HYDIN: variants seen among roughly 807,000 people sequenced by gnomAD.
HYDIN encodes the protein axonemal central pair apparatus protein HYDIN.
Under a neutral mutation model 403.9 loss-of-function variants are expected in HYDIN, and 132 were observed. The ratio of observed to expected loss-of-function variants is 0.33; its 90% confidence interval spans 0.28 to 0.38. The LOEUF (loss-of-function observed/expected upper bound fraction) is 0.38. Ranked by LOEUF, HYDIN falls within the 10% of genes least tolerant of loss-of-function variation. The pLI is 1.00. For missense variants in HYDIN, 2,827 were observed against 5,009.5 expected, an observed-to-expected ratio of 0.56 and a Z score of 13.15; for synonymous variants, 1,202 against 1,891.7, an observed-to-expected ratio of 0.64 and a Z score of 9.46.
intron 84 of HYDIN, among the ~76,000 whole-genome samples, chr16:70,812,318 T>A: frequency 6.7e-6 from 1 of 148,566 alleles, no homozygotes; most frequent in Non-Finnish European, 1.5e-5. Flanking sequence ...GGTGAAACCC[T>A]GTCTCTACTA....
chr16:70,853,844 T>C (rs949005434), intron 73 of HYDIN, among the ~76,000 whole-genome samples: 2 of 149,070 alleles, frequency 1.3e-5, no homozygotes, highest in Non-Finnish European at 2.9e-5. Flanking sequence ...GGGAGAAATT[T>C]GGTAAACAGT....
At chr16:71,022,454 C>A (rs997989963) in intron 21 of HYDIN, among the ~76,000 whole-genome samples, 4 of 152,094 alleles carry the variant, frequency 2.6e-5, no homozygotes, top group Non-Finnish European at 5.9e-5. Flanking sequence ...ATAAAGTAGA[C>A]CAAATCTGAG....
chr16:70,806,359 C>A lies in HYDIN; in HGVS notation c.*1221G>T, dbSNP rs966315422. 7.0e-6 allele frequency among the ~76,000 whole-genome samples: 1 copy of A among 141,886 alleles called. No individual in the cohort carries two copies. Among genetic ancestry groups the A allele is most frequent in the African/African-American group, 3.2e-5 (1 of 31,668 alleles). 93.1% of individuals were successfully genotyped at this position (141,886 alleles called of 152,430 possible). A position where few individuals can be genotyped will look rare whatever the true frequency, so the allele number is the denominator to read the frequency against. On this transcript the variant is annotated 3_prime_UTR_variant, in exon 86 of 86. Coordinates refer to ENST00000393567, the MANE Select transcript of HYDIN (RefSeq NM_001270974.2). ...GTGTTTACAGACATTCTAGAAAAAG[C>A]TTTTTTGGTCCTAGAGTATACTGGG...
chr16:70,837,267 A>G (rs1186166154), intron 77 of HYDIN, among the ~76,000 whole-genome samples: 1 of 152,038 alleles, frequency 6.6e-6, no homozygotes, highest in African/African-American at 2.4e-5. Flanking sequence ...AAGATGTTCC[A>G]TCACTGAAAC....
At chr16:71,055,267 T>C (rs1301947818) in intron 18 of HYDIN, among the ~76,000 whole-genome samples, 1 of 152,276 alleles carries the variant, frequency 6.6e-6, no homozygotes, top group Non-Finnish European at 1.5e-5. Flanking sequence ...GGCAATTAAC[T>C]TAACCTATTT....
chr16:71,045,218 T>C (rs2081413832), intron 18 of HYDIN, among the ~76,000 whole-genome samples: 1 of 152,190 alleles, frequency 6.6e-6, no homozygotes, highest in Non-Finnish European at 1.5e-5. Flanking sequence ...ATACATCTCT[T>C]GGTTTTTTCC....
Position 70,941,512 on chromosome 16 carries a change from C to A in HYDIN, c.6853+124G>T. The A allele has an allele frequency of 7.4e-6, 5 of 674,184 alleles. No individual in the cohort carries two copies. In the South Asian group the frequency reaches 1.4e-4, roughly 18 times the overall value. The allele number at this position is 674,184 out of a possible 1,614,324, so 41.8% of individuals were successfully genotyped here. Reference sequence around the variant, plus strand: ...ACTTCCCAGCCGGCCACTCGCGTCCCAGTTCCCTCCTAGCAAAGCAGAAAT... The same window carrying A: ...ACTTCCCAGCCGGCCACTCGCGTCCAAGTTCCCTCCTAGCAAAGCAGAAAT... On this transcript the variant is annotated intron_variant, in intron 43 of 85. Coordinates refer to ENST00000393567, the MANE Select transcript of HYDIN (RefSeq NM_001270974.2).
chr16:71,027,474 G>A, intron 20 of HYDIN, 128 bp downstream of exon 20: 1 of 1,536,662 alleles, frequency 6.5e-7, no homozygotes, highest in Non-Finnish European at 8.7e-7. Flanking sequence ...GGTAACTCAG[G>A]ATTGTACACA....
rs1056587003 is a variant in HYDIN, at chr16:70,920,744, C to T, written c.7632G>A (p.Glu2544=). 1.3e-6 allele frequency: 2 copies of T among 1,573,460 alleles called. No individual in the cohort carries two copies. The highest frequency in any genetic ancestry group is 1.2e-5 in the South Asian group (1 of 86,308). ...ERLEKLRALE[E]RSDWEGEGEE... is the part of the protein sequence containing the mutation. ...CCCCTTCCCCCTCCCAGTCGCTCCG[C>T]TCCTCCAGGGCTCGCAGCTTCTCCA... Residue 2544 remains glutamate (E), a synonymous_variant, in exon 46 of 86, where the codon GAG becomes GAA. Coordinates refer to ENST00000393567, the MANE Select transcript of HYDIN (RefSeq NM_001270974.2).
chr16:70,812,691 T>A (rs952197685), intron 84 of HYDIN, among the ~76,000 whole-genome samples: 1 of 152,128 alleles, frequency 6.6e-6, no homozygotes, highest in Non-Finnish European at 1.5e-5. Context: ...ACCAAATAAA[T>A]GCTATTGAGA....
chr16:71,187,691 G>A (rs1188151820), intron 1 of HYDIN, among the ~76,000 whole-genome samples: 1 of 151,986 alleles, frequency 6.6e-6, no homozygotes, highest in Admixed American at 6.6e-5. Context: ...TCACAAGACA[G>A]TAAGGAAGTA....
chr16:71,017,114 C>T (rs1189041596), intron 23 of HYDIN, among the ~76,000 whole-genome samples: 4 of 150,286 alleles, frequency 2.7e-5, no homozygotes, highest in East Asian at 2.0e-4. Flanking sequence ...CCGAGGCGGG[C>T]GGATTACCTG....
At chr16:70,843,547 G>T (rs2037986857) in intron 75 of HYDIN, among the ~76,000 whole-genome samples, 1 of 140,812 alleles carries the variant, frequency 7.1e-6, no homozygotes, top group Non-Finnish European at 1.5e-5. Flanking sequence ...TAGTCCTTTG[G>T]GTATATACCC....
At position 71,115,373 on chromosome 16, in the gene HYDIN, G is replaced by A. The variant is rs1375370160; in HGVS notation, c.1327+323C>T. 3.9e-5 allele frequency among the ~76,000 whole-genome samples: 6 copies of A among 152,220 alleles called. No homozygotes were observed. In the East Asian group the frequency reaches 9.6e-4, roughly 24 times the overall value. On this transcript the variant is annotated intron_variant, in intron 10 of 85. Coordinates refer to ENST00000393567, the MANE Select transcript of HYDIN (RefSeq NM_001270974.2). ...GAGGTCTCCCCAGTCGTGCTGATCT[G>A]TGAGTCAATTAAACCTCTTTCCTTT...
intron 6 of HYDIN, among the ~76,000 whole-genome samples, chr16:71,153,568 A>G (rs980054280): frequency 2.0e-5 from 3 of 152,004 alleles, no homozygotes; most frequent in African/African-American, 7.3e-5. Context: ...TGGGGAAAAA[A>G]TATCCTGACC....
Position 70,938,531 on chromosome 16 carries a change from T to A in HYDIN, c.6995+83A>T, listed in dbSNP as rs1255607153. On this transcript the variant is annotated intron_variant, in intron 44 of 85. Transcript: ENST00000393567. ...CCTGCTGCCTGCCTGGAAGATGGCT[T>A]GGGCTCACACCCCGGTCCTGGTCAC... is the stretch of plus-strand genomic sequence containing the variant. 8 of 813,006 alleles carry A rather than the reference T, an allele frequency of 9.8e-6. No homozygotes were observed. The African/African-American group carries it at 1.2e-4, about 12-fold the overall frequency. 50.4% of individuals were successfully genotyped at this position (813,006 alleles called of 1,614,324 possible).
At chr16:70,930,390 A>T (rs1398201780) in intron 45 of HYDIN, among the ~76,000 whole-genome samples, 3 of 152,150 alleles carry the variant, frequency 2.0e-5, no homozygotes, top group Non-Finnish European at 4.4e-5. Context: ...CTGAGGCAGG[A>T]GAATGGCTTG....
At chr16:70,971,383 T>C (rs1474026319) in intron 35 of HYDIN, among the ~76,000 whole-genome samples, 1 of 152,234 alleles carries the variant, frequency 6.6e-6, no homozygotes, top group Non-Finnish European at 1.5e-5. Context: ...ATATCATAAC[T>C]ACTCACATGT....
chr16:71,229,356 T>C (rs773081735), intron 1 of HYDIN, among the ~76,000 whole-genome samples: 10 of 152,212 alleles, frequency 6.6e-5, no homozygotes, highest in Non-Finnish European at 1.5e-4. Flanking sequence ...GGTTGCAATT[T>C]GGCAGTTTCT....
Sources: allele counts gnomAD v4.1 joint callset (sites outside exome capture counted in the v4.1 genomes callset), GRCh38; gene constraint gnomAD v4.1.1; transcripts MANE v1.5; gene names NCBI Gene and HGNC (gene_info 2026-07-23, HGNC 2026-07-21).